The following MAOA variants were observed in gnomAD, a reference collection of about 807,000 sequenced individuals.
The protein encoded by MAOA is monoamine oxidase A.
MAOA carries 6 observed loss-of-function variants against 42.0 expected under a neutral mutation model. The observed-to-expected ratio is 0.14, with a 90% CI of 0.08 to 0.28. The LOEUF is 0.28. Ranked by LOEUF, MAOA falls within the 10% of genes least tolerant of loss-of-function variation. The probability of loss-of-function intolerance (pLI) is 1.00; values close to 1 mark genes in which losing one functional copy is unlikely to be tolerated. For missense variants in MAOA, 262 were observed against 422.3 expected (o/e 0.62, Z 3.33); for synonymous variants, 140 against 154.0 (o/e 0.91, Z 0.67).
rs2033212122 is a variant in MAOA, at chrX:43,659,041, A to T, written c.73+2627A>T. Among the ~76,000 whole-genome samples the T allele has an allele frequency of 3.6e-5, 4 of 111,600 alleles. No individual in the cohort carries two copies. The Admixed American group carries it at 3.8e-4, about 11-fold the overall frequency. ...GATAGGTTACCCACACATTCATAAT[A>T]CATCACCAATCCATAGCATCAGCAG... is the stretch of plus-strand genomic sequence containing the variant. On this transcript the variant is annotated intron_variant, in intron 1 of 14. Coordinates refer to ENST00000338702, the MANE Select transcript of MAOA (RefSeq NM_000240.4).
At chrX:43,675,235 G>C (rs1330646487) in intron 1 of MAOA, among the ~76,000 whole-genome samples, 2 of 111,566 alleles carry the variant, frequency 1.8e-5, no homozygotes, top group Non-Finnish European at 3.8e-5. Flanking sequence ...GATCGCATCG[G>C]CTCCTGAGGC....
chrX:43,743,656 T>C (rs2033976917), intron 12 of MAOA, 138 bp from the exon 13 acceptor site: 1 of 765,313 alleles, frequency 1.3e-6, no homozygotes, highest in Non-Finnish European at 1.9e-6. Context: ...GCCTTTCACC[T>C]TGGGCTAAGT....
intron 1 of MAOA, among the ~76,000 whole-genome samples, chrX:43,676,769 ATGTGTGTGTGTG>A (rs761762083): frequency 6.8e-5 from 7 of 103,343 alleles, no homozygotes; most frequent in Non-Finnish European, 1.2e-4. Context: ...CATACAAAAA[ATGTGTGTGTGTG>A]TGTGTGTGTG....
chrX:43,745,345 A>G lies in MAOA; in HGVS notation c.*832A>G, dbSNP rs1346265986. On this transcript the variant is annotated 3_prime_UTR_variant, in exon 15 of 15. Coordinates refer to ENST00000338702, the MANE Select transcript of MAOA (RefSeq NM_000240.4). Reference sequence around the variant, plus strand: ...CTGTGGGAGACCAACTACGACTGGCATCTTCTCTTCCCCCTGGAAGGCAGC... The same window carrying G: ...CTGTGGGAGACCAACTACGACTGGCGTCTTCTCTTCCCCCTGGAAGGCAGC... The G allele has an allele frequency of 1.8e-5, 2 of 111,794 alleles. No homozygotes were observed. Among genetic ancestry groups the G allele is most frequent in the African/African-American group, 6.5e-5 (2 of 30,730 alleles). 9.2% of individuals were successfully genotyped at this position (111,794 alleles called of 1,213,427 possible). A position where few individuals can be genotyped will look rare whatever the true frequency, so the allele number is the denominator to read the frequency against.
In MAOA at chrX:43,731,231, C is replaced by A; in HGVS notation, c.646-10C>A. ...ATAATGTTTCCTTTCTTACCTACCT[C>A]CTCCTGTAGGAACGGAAGTTTGTAG... On this transcript the variant is annotated splice_polypyrimidine_tract_variant and intron_variant, in intron 6 of 14. Coordinates refer to ENST00000338702, the MANE Select transcript of MAOA (RefSeq NM_000240.4). 8.3e-7 allele frequency: 1 copy of A among 1,208,186 alleles called. No individual in the cohort carries two copies. Among genetic ancestry groups the A allele is most frequent in the Non-Finnish European group, 1.1e-6 (1 of 892,347 alleles).
intron 3 of MAOA, among the ~76,000 whole-genome samples, chrX:43,704,324 G>C (rs1165359356): frequency 1.8e-5 from 2 of 111,745 alleles, no homozygotes; most frequent in Non-Finnish European, 3.8e-5. Context: ...TGAAAGGTTA[G>C]TTTAATATAC....
At chrX:43,695,130 GATATATGGCCTAGA>G (rs2033567022) in intron 3 of MAOA, among the ~76,000 whole-genome samples, 1 of 111,408 alleles carries the variant, frequency 9.0e-6, no homozygotes, top group Non-Finnish European at 1.9e-5. Context: ...TCATTATCCC[GATATATGGCCTAGA>G]AAATGAAACT....
intron 1 of MAOA, among the ~76,000 whole-genome samples, chrX:43,676,218 A>G (rs2033394119): frequency 8.9e-6 from 1 of 111,746 alleles, no homozygotes. Flanking sequence ...AGCAATCAGC[A>G]AGACGCCATG....
chrX:43,660,665 C>G (rs1002959703), intron 1 of MAOA, among the ~76,000 whole-genome samples: 1 of 111,950 alleles, frequency 8.9e-6, no homozygotes, highest in Non-Finnish European at 1.9e-5. Flanking sequence ...ATCACTCTGG[C>G]TCCCATTGAT....
intron 2 of MAOA, among the ~76,000 whole-genome samples, chrX:43,687,742 G>GC (rs2033498401): frequency 8.9e-6 from 1 of 112,402 alleles, no homozygotes; most frequent in South Asian, 3.6e-4. Flanking sequence ...CTTCCTTAAG[G>GC]CCGCTGTTCC....
In MAOA at chrX:43,740,717, G is replaced by T; in HGVS notation, c.1143G>T (p.Leu381=). 1 of 1,200,828 alleles carries T rather than the reference G, an allele frequency of 8.3e-7. No individual in the cohort carries two copies. The highest frequency in any genetic ancestry group is 1.1e-6 in the Non-Finnish European group (1 of 889,830). Residue 381 remains leucine (L), a synonymous_variant, in exon 11 of 15, where the codon CTG becomes CTT. Transcript: ENST00000338702. ...TCTGTGAGCTCTATGCCAAAGTGCT[G>T]GGATCCCAAGAAGCTTTACATGTAA... ...KKICELYAKV[L]GSQEALHPVH...
intron 11 of MAOA, among the ~76,000 whole-genome samples, chrX:43,741,741 T>C (rs2033961543): frequency 1.8e-5 from 2 of 112,041 alleles, no homozygotes; most frequent in African/African-American, 6.5e-5. Flanking sequence ...ATCAAGAAAA[T>C]GGGAAGAGCA....
chrX:43,731,570 AT>A, intron 7 of MAOA, 123 bp from the exon 8 acceptor site: 1 of 893,747 alleles, frequency 1.1e-6, no homozygotes. Flanking sequence ...CAGTTGCCTC[AT>A]TTTCTCATTT....
chrX:43,740,979 A>T (rs1277857519), intron 11 of MAOA, among the ~76,000 whole-genome samples: 1 of 111,600 alleles, frequency 9.0e-6, no homozygotes, highest in South Asian at 3.8e-4. Context: ...CTGGCAGCCA[A>T]TTGTAATGAG....
At chrX:43,736,186 A>T in intron 9 of MAOA, 41 bp from the exon 10 acceptor site, 1 of 1,050,262 alleles carries the variant, frequency 9.5e-7, no homozygotes, top group Non-Finnish European at 1.3e-6. Flanking sequence ...CTTAAAATAA[A>T]CAGCTGTAAC....
Position 43,728,327 on chromosome X carries a change from T to A in MAOA, c.645+13T>A, listed in dbSNP as rs1298680902. 1.7e-6 allele frequency: 2 copies of A among 1,208,919 alleles called. No homozygotes were observed. The highest frequency in any genetic ancestry group is 4.4e-5 in the Admixed American group (2 of 45,793). The stretch of plus-strand genomic sequence containing the variant: ...CAATGGTGGCCAGGTATGGTGTGTA[T>A]GTGTCTGTTCTGAAACAAGAGCTTC... On this transcript the variant is annotated intron_variant, in intron 6 of 14. Transcript: ENST00000338702.
chrX:43,667,995 A>G (rs1453965532), intron 1 of MAOA, among the ~76,000 whole-genome samples: 1 of 111,912 alleles, frequency 8.9e-6, no homozygotes, highest in African/African-American at 3.2e-5. Context: ...TGGAGCACAT[A>G]GGTAAGTTTA....
At chrX:43,715,718 CG>C (rs758948251) in intron 5 of MAOA, among the ~76,000 whole-genome samples, 17 of 108,740 alleles carry the variant, frequency 1.6e-4, no homozygotes, top group Non-Finnish European at 2.9e-4. Context: ...GTGGTGTTTT[CG>C]GGGACATGGA....
chrX:43,680,462 G>C (rs1003652138), intron 1 of MAOA, among the ~76,000 whole-genome samples: 3 of 111,242 alleles, frequency 2.7e-5, no homozygotes, highest in Admixed American at 9.6e-5. Flanking sequence ...TATTTAACAT[G>C]TTCCTCTGTC....
Sources: gnomAD v4.1 joint callset for allele counts (sites outside exome capture counted in the v4.1 genomes callset) on GRCh38, gnomAD v4.1.1 for gene constraint, MANE v1.5 for transcripts, NCBI Gene and HGNC (gene_info 2026-07-23, HGNC 2026-07-21) for gene names.